RANBP2: variants seen among roughly 807,000 people sequenced by gnomAD.
RANBP2 encodes the protein RAN binding protein 2, also known as E3 SUMO-protein ligase RanBP2.
Under a neutral mutation model 303.6 loss-of-function variants are expected in RANBP2, and 57 were observed. That is an observed-to-expected ratio of 0.19 (90% CI 0.15 to 0.23). The LOEUF is 0.23. RANBP2 is among the 10% of genes least tolerant of loss of function. The probability of loss-of-function intolerance (pLI) is 1.00; values close to 1 mark genes in which losing one functional copy is unlikely to be tolerated. For missense variants in RANBP2, 3,138 were observed against 3,780.8 expected (o/e 0.83, Z 4.46); for synonymous variants, 1,167 against 1,301.5 (o/e 0.90, Z 2.23).
chr2:109,475,904 G>A, the RANBP2 span, among the ~76,000 whole-genome samples: 6 of 152,076 alleles, frequency 3.9e-5, no homozygotes, highest in Non-Finnish European at 7.3e-5. Flanking sequence ...ACATCTTCAC[G>A]AGCTTCACCT....
chr2:109,153,015 C>G, the RANBP2 span, among the ~76,000 whole-genome samples: 1 of 152,156 alleles, frequency 6.6e-6, no homozygotes, highest in Non-Finnish European at 1.5e-5. Context: ...CTTAGAAGCA[C>G]GTTTTGATGG....
At chr2:109,535,348 T>G in the RANBP2 span, among the ~76,000 whole-genome samples, 1 of 152,076 alleles carries the variant, frequency 6.6e-6, no homozygotes, top group Non-Finnish European at 1.5e-5. Context: ...GACCTAAAAA[T>G]GCACCAGCCC....
At chr2:109,063,533 G>A in the RANBP2 span, among the ~76,000 whole-genome samples, 1 of 152,146 alleles carries the variant, frequency 6.6e-6, no homozygotes, top group Non-Finnish European at 1.5e-5. Flanking sequence ...GCTGTCTGCT[G>A]CTCCACAGGC....
chr2:109,418,331 C>T, the RANBP2 span, among the ~76,000 whole-genome samples: 53 of 152,244 alleles, frequency 3.5e-4, no homozygotes, highest in African/African-American at 9.4e-4. Context: ...AGAGCAGTAC[C>T]ACAAACTAGG....
the RANBP2 span, among the ~76,000 whole-genome samples, chr2:109,322,333 C>T: frequency 6.6e-6 from 1 of 152,196 alleles, no homozygotes; most frequent in Non-Finnish European, 1.5e-5. Context: ...CCAGGGCCGG[C>T]AGAGGCAGAA....
the RANBP2 span, among the ~76,000 whole-genome samples, chr2:109,430,489 C>T: frequency 2.0e-5 from 3 of 151,918 alleles, no homozygotes; most frequent in Middle Eastern, 3.2e-3. Flanking sequence ...GTCCTCTCCC[C>T]GTCCTCTCCC....
At chr2:108,728,626 A>G (rs1359389211) in intron 1 of RANBP2, among the ~76,000 whole-genome samples, 1 of 151,018 alleles carries the variant, frequency 6.6e-6, no homozygotes, top group Non-Finnish European at 1.5e-5. Context: ...GATGATGATG[A>G]TGATGATGAT....
the RANBP2 span, among the ~76,000 whole-genome samples, chr2:108,902,365 G>C: frequency 6.6e-6 from 1 of 152,216 alleles, no homozygotes; most frequent in East Asian, 1.9e-4. Context: ...GACATAGCGA[G>C]ACTCCATCTC....
the RANBP2 span, among the ~76,000 whole-genome samples, chr2:108,907,706 G>T: frequency 2.6e-5 from 4 of 151,720 alleles, no homozygotes; most frequent in East Asian, 1.9e-4. Flanking sequence ...TGACTATCTT[G>T]CTGTGAACTT....
chr2:109,518,915 C>CTTTTTTTTTTTT, the RANBP2 span, among the ~76,000 whole-genome samples: 217 of 110,984 alleles, frequency 2.0e-3, 6 homozygotes, highest in African/African-American at 8.2e-3. Context: ...TGCTACATAT[C>CTTTTTTTTTTTT]TTTTTTTTTT....
intron 1 of RANBP2, among the ~76,000 whole-genome samples, chr2:108,728,622 G>C (rs1356339009): frequency 6.6e-6 from 1 of 150,584 alleles, no homozygotes; most frequent in Admixed American, 6.6e-5. Context: ...TGATGATGAT[G>C]ATGATGATGA....
chr2:108,888,068 C>T, the RANBP2 span, among the ~76,000 whole-genome samples: 6 of 152,022 alleles, frequency 3.9e-5, no homozygotes, highest in Non-Finnish European at 8.8e-5. Flanking sequence ...GAGTTTTTAT[C>T]CTGGAGTGAT....
At chr2:109,296,209 A>G in the RANBP2 span, among the ~76,000 whole-genome samples, 1 of 151,494 alleles carries the variant, frequency 6.6e-6, no homozygotes, top group Non-Finnish European at 1.5e-5. Context: ...CTTCCACTCT[A>G]AACAGAATGA....
At chr2:109,483,580 A>G in the RANBP2 span, among the ~76,000 whole-genome samples, 4 of 152,284 alleles carry the variant, frequency 2.6e-5, no homozygotes, top group Non-Finnish European at 4.4e-5. Flanking sequence ...TTGACTTCCT[A>G]TCTGCTGTGT....
the RANBP2 span, among the ~76,000 whole-genome samples, chr2:108,924,369 G>A: frequency 6.6e-6 from 1 of 152,206 alleles, no homozygotes; most frequent in East Asian, 1.9e-4. Flanking sequence ...TCCCTCTGCA[G>A]GCTCTAGCTC....
chr2:109,398,209 G>A, the RANBP2 span, among the ~76,000 whole-genome samples: 49 of 152,310 alleles, frequency 3.2e-4, no homozygotes, highest in African/African-American at 1.2e-3. Context: ...AGCATGCAGG[G>A]CCAGCCCACG....
the RANBP2 span, among the ~76,000 whole-genome samples, chr2:109,099,332 T>A: frequency 6.6e-6 from 1 of 152,172 alleles, no homozygotes; most frequent in Non-Finnish European, 1.5e-5. Context: ...GACAGAGGCA[T>A]CCTGTGCTCA....
the RANBP2 span, chr2:109,614,442 T>A: frequency 8.5e-7 from 1 of 1,182,480 alleles, no homozygotes. Context: ...CCCGTCGCTA[T>A]GGGACCGCGC....
At chr2:109,023,339 G>A in the RANBP2 span, among the ~76,000 whole-genome samples, 6 of 152,160 alleles carry the variant, frequency 3.9e-5, no homozygotes, top group Non-Finnish European at 8.8e-5. Context: ...GAAGAATTAG[G>A]CAGTTTAAAA....
Sources: gnomAD v4.1 joint callset for allele counts (sites outside exome capture counted in the v4.1 genomes callset) on GRCh38, gnomAD v4.1.1 for gene constraint, MANE v1.5 for transcripts, NCBI Gene and HGNC (gene_info 2026-07-23, HGNC 2026-07-21) for gene names.